Variants in RAD51B observed in about 807,000 individuals in gnomAD.
The protein encoded by RAD51B is RAD51 paralog B, also known as DNA repair protein RAD51 homolog 2.
In RAD51B, 38 loss-of-function variants were observed where a neutral mutation model predicts 42.2. The observed-to-expected ratio is 0.90, with a 90% CI of 0.70 to 1.18. The LOEUF (loss-of-function observed/expected upper bound fraction) is 1.18. Ranked by LOEUF, RAD51B falls within the 50% of genes most tolerant of loss-of-function variation. The pLI is 0.00. For synonymous variants in RAD51B, 154 were observed against 145.2 expected (o/e 1.06, Z -0.43); for missense variants, 373 against 400.7 (o/e 0.93, Z 0.59).
intron 10 of RAD51B, among the ~76,000 whole-genome samples, chr14:68,568,638 A>G (rs1479771204): frequency 1.3e-5 from 2 of 152,148 alleles, no homozygotes; most frequent in African/African-American, 2.4e-5. Context: ...TGCTCTGTGC[A>G]CAATAGGGTG....
chr14:68,312,922 G>C (rs1181215339), intron 8 of RAD51B, among the ~76,000 whole-genome samples: 1 of 152,148 alleles, frequency 6.6e-6, no homozygotes, highest in African/African-American at 2.4e-5. Flanking sequence ...AAATACCTTC[G>C]TTTTACTAAC....
intron 7 of RAD51B, among the ~76,000 whole-genome samples, chr14:67,924,615 C>T (rs1187347033): frequency 6.6e-6 from 1 of 152,122 alleles, no homozygotes; most frequent in Non-Finnish European, 1.5e-5. Flanking sequence ...TTCTTAAAAC[C>T]ATCAGATCTC....
chr14:68,371,907 G>A (rs760726776), intron 8 of RAD51B, among the ~76,000 whole-genome samples: 22 of 152,216 alleles, frequency 1.4e-4, no homozygotes, highest in Non-Finnish European at 2.9e-4. Flanking sequence ...CAAAGCAGCT[G>A]AATAAATGAG....
intron 8 of RAD51B, among the ~76,000 whole-genome samples, chr14:68,329,967 C>G (rs9323506): frequency 0.68 from 100,168 of 147,676 alleles, 34,255 homozygotes; most frequent in Non-Finnish European, 0.73. Flanking sequence ...GGGCAACAGA[C>G]CGAGACTCTG....
chr14:68,318,706 A>G (rs2082106478), intron 8 of RAD51B, among the ~76,000 whole-genome samples: 1 of 152,188 alleles, frequency 6.6e-6, no homozygotes, highest in Admixed American at 6.5e-5. Context: ...GTAGCTAGAG[A>G]CAATGGCCAG....
chr14:68,496,060 C>T (rs1056709118), intron 10 of RAD51B, among the ~76,000 whole-genome samples: 6 of 152,198 alleles, frequency 3.9e-5, no homozygotes, highest in African/African-American at 1.2e-4. Context: ...CCTGCCTTCC[C>T]CCAGCAGTAA....
At chr14:68,443,290 G>A (rs180831189) in intron 9 of RAD51B, among the ~76,000 whole-genome samples, 4 of 152,184 alleles carry the variant, frequency 2.6e-5, no homozygotes, top group Non-Finnish European at 5.9e-5. Context: ...GCTTCCCATC[G>A]AGTCAGCACA....
chr14:68,194,671 A>G (rs2079334048), intron 7 of RAD51B, among the ~76,000 whole-genome samples: 1 of 152,246 alleles, frequency 6.6e-6, no homozygotes, highest in Admixed American at 6.5e-5. Flanking sequence ...TATAACTGTG[A>G]TCTGAGAACT....
chr14:68,298,484 A>G (rs1326686569), intron 8 of RAD51B, among the ~76,000 whole-genome samples: 1 of 152,220 alleles, frequency 6.6e-6, no homozygotes, highest in East Asian at 1.9e-4. Flanking sequence ...TTCTTTGGGG[A>G]GCAGTCCTTG....
intron 9 of RAD51B, among the ~76,000 whole-genome samples, chr14:68,466,438 T>C (rs140767698): frequency 6.6e-6 from 1 of 152,234 alleles, no homozygotes; most frequent in South Asian, 2.1e-4. Flanking sequence ...CAGTTTTGGT[T>C]AGAATTCAGG....
At chr14:67,840,667 C>G (rs949123298) in intron 4 of RAD51B, among the ~76,000 whole-genome samples, 1 of 152,190 alleles carries the variant, frequency 6.6e-6, no homozygotes, top group African/African-American at 2.4e-5. Flanking sequence ...ATTGCTGGCT[C>G]AAATGGTAGC....
chr14:68,012,792 T>C (rs189451651), intron 7 of RAD51B, among the ~76,000 whole-genome samples: 23 of 152,348 alleles, frequency 1.5e-4, no homozygotes, highest in African/African-American at 4.6e-4. Flanking sequence ...GCTGTTGTTA[T>C]ATGTCAGATG....
chr14:68,508,539 G>A (rs1287592976), intron 10 of RAD51B, among the ~76,000 whole-genome samples: 1 of 152,132 alleles, frequency 6.6e-6, no homozygotes, highest in African/African-American at 2.4e-5. Flanking sequence ...TCTATTCAAG[G>A]CCCAGACATA....
intron 8 of RAD51B, among the ~76,000 whole-genome samples, chr14:68,366,476 C>G (rs764298249): frequency 2.6e-5 from 4 of 152,166 alleles, no homozygotes; most frequent in Non-Finnish European, 5.9e-5. Flanking sequence ...CATAAATAAG[C>G]TAACTTTGGA....
chr14:68,480,396 G>T (rs1387399932), downstream of RAD51B, among the ~76,000 whole-genome samples: 3 of 152,140 alleles, frequency 2.0e-5, no homozygotes, highest in Admixed American at 6.5e-5. Flanking sequence ...CTTTTGTTAT[G>T]GGGGCCTTGG....
In RAD51B at chr14:68,213,154, A is replaced by C. The variant is rs184808983; in HGVS notation, c.757-78730A>C. 4.7e-3 allele frequency among the ~76,000 whole-genome samples: 710 copies of C among 152,358 alleles called. 9 individuals carry two copies. Among genetic ancestry groups the C allele is most frequent in the African/African-American group, 0.016 (665 of 41,586 alleles). Reference sequence around the variant, plus strand: ...CAACAAGTGAGATAGGATTTTTTAAAGATCTGTGTAGGTTGATGGGCGGAT... The same window carrying C: ...CAACAAGTGAGATAGGATTTTTTAACGATCTGTGTAGGTTGATGGGCGGAT... On this transcript the variant is annotated intron_variant, in intron 7 of 10. Coordinates refer to ENST00000471583, the MANE Select transcript of RAD51B (RefSeq NM_133510.4).
At chr14:68,244,204 G>GA (rs554161836) in intron 7 of RAD51B, among the ~76,000 whole-genome samples, 10 of 149,496 alleles carry the variant, frequency 6.7e-5, no homozygotes, top group South Asian at 2.1e-4. Flanking sequence ...CCTTAGGAGT[G>GA]AAAAAAAAAA....
intron 8 of RAD51B, among the ~76,000 whole-genome samples, chr14:68,409,658 C>T (rs1033558691): frequency 2.0e-5 from 3 of 152,158 alleles, no homozygotes; most frequent in Non-Finnish European, 4.4e-5. Context: ...GTCAGGAGGT[C>T]ATGGGAGACC....
At chr14:68,256,962 A>G (rs898074799) in intron 7 of RAD51B, among the ~76,000 whole-genome samples, 25 of 152,232 alleles carry the variant, frequency 1.6e-4, no homozygotes, top group African/African-American at 5.8e-4. Flanking sequence ...TTTCTGGAGT[A>G]TAGGTTCCAG....
Sources: allele counts gnomAD v4.1 joint callset (sites outside exome capture counted in the v4.1 genomes callset), GRCh38; gene constraint gnomAD v4.1.1; transcripts MANE v1.5; gene names NCBI Gene and HGNC (gene_info 2026-07-23, HGNC 2026-07-21).